CDYL2: variants seen among roughly 807,000 people sequenced by gnomAD.
CDYL2 encodes chromodomain Y-like protein 2.
In CDYL2, 23 loss-of-function variants were observed where a neutral mutation model predicts 49.4. The ratio of observed to expected loss-of-function variants is 0.47; its 90% CI spans 0.34 to 0.66. The LOEUF is 0.66. Among genes scored for constraint, CDYL2 ranks in the 30% least tolerant of loss-of-function variants. The pLI, the probability that CDYL2 is intolerant of heterozygous loss-of-function variation, is 0.01. For missense variants in CDYL2, 678 were observed against 656.4 expected (o/e 1.03, Z -0.36); for synonymous variants, 360 against 268.8 (o/e 1.34, Z -3.32).
At chr16:80,676,926 A>G (rs1597166352) in intron 2 of CDYL2, among the ~76,000 whole-genome samples, 1 of 134,170 alleles carries the variant, frequency 7.5e-6, no homozygotes, top group Non-Finnish European at 1.6e-5. Context: ...CTCCTTTCTT[A>G]CTTCTTCTGA....
chr16:80,780,414 T>C (rs1324559237), intron 1 of CDYL2, among the ~76,000 whole-genome samples: 1 of 144,346 alleles, frequency 6.9e-6, no homozygotes, highest in Non-Finnish European at 1.5e-5. Flanking sequence ...TTTTTTTTTT[T>C]TTTTTTTGCA....
At chr16:80,649,239 C>G (rs1908482398) in intron 2 of CDYL2, among the ~76,000 whole-genome samples, 2 of 152,062 alleles carry the variant, frequency 1.3e-5, no homozygotes, top group South Asian at 4.1e-4. Flanking sequence ...ATTGGGAAAA[C>G]TAAGGACTCC....
At chr16:80,705,358 T>C (rs1904370630) in intron 1 of CDYL2, among the ~76,000 whole-genome samples, 2 of 152,252 alleles carry the variant, frequency 1.3e-5, no homozygotes, top group Non-Finnish European at 2.9e-5. Flanking sequence ...CTATGAGCGA[T>C]GCTAGAGTCC....
chr16:80,787,487 A>G (rs1009214630), intron 1 of CDYL2, among the ~76,000 whole-genome samples: 14 of 152,334 alleles, frequency 9.2e-5, no homozygotes, highest in African/African-American at 2.9e-4. Context: ...TAGACTTGAC[A>G]GCATCTAAGA....
intron 1 of CDYL2, among the ~76,000 whole-genome samples, chr16:80,776,045 C>T (rs1430179629): frequency 6.6e-6 from 1 of 151,462 alleles, no homozygotes; most frequent in Non-Finnish European, 1.5e-5. Flanking sequence ...TTATATGCAA[C>T]AAAAAAACAA....
intron 1 of CDYL2, among the ~76,000 whole-genome samples, chr16:80,735,333 G>GA (rs1905482412): frequency 6.6e-6 from 1 of 152,100 alleles, no homozygotes; most frequent in South Asian, 2.1e-4. Flanking sequence ...TTTTTTCTGA[G>GA]AAAAATAAAG....
At chr16:80,689,015 G>A (rs1910308618) in intron 1 of CDYL2, among the ~76,000 whole-genome samples, 1 of 152,120 alleles carries the variant, frequency 6.6e-6, no homozygotes, top group Non-Finnish European at 1.5e-5. Flanking sequence ...TTTACCTGAA[G>A]CTCAGTCCTT....
At position 80,604,360 on chromosome 16, in the gene CDYL2, AAGTTGGGGGCCCGTG is replaced by A. The variant is rs1270575324; in HGVS notation, c.*13_*27del. ...TTTCCGAAACACAGGGCAGAGCTGG[AAGTTGGGGGCCCGTG>A]AGCTGGGGCCCCTCAGACTTCATAA... On this transcript the variant is annotated 3_prime_UTR_variant, in exon 7 of 7. Transcript: ENST00000570137. 6.2e-7 allele frequency: 1 copy of A among 1,613,142 alleles called. No homozygotes were observed. Among genetic ancestry groups the A allele is most frequent in the Non-Finnish European group, 8.5e-7 (1 of 1,179,716 alleles).
At chr16:80,615,714 A>T (rs1184124865) in intron 4 of CDYL2, among the ~76,000 whole-genome samples, 4 of 152,132 alleles carry the variant, frequency 2.6e-5, no homozygotes, top group Non-Finnish European at 5.9e-5. Context: ...GAGATCCATG[A>T]AACGGAATCA....
chr16:80,765,350 A>C (rs1487694993), intron 1 of CDYL2, among the ~76,000 whole-genome samples: 1 of 151,858 alleles, frequency 6.6e-6, no homozygotes, highest in Non-Finnish European at 1.5e-5. Context: ...ACGACGAAAG[A>C]CTAAAAACTG....
In CDYL2 at chr16:80,623,410, G is replaced by A. The variant is rs572599444; in HGVS notation, c.835-2475C>T. ...TAGTGCAGTGCATGGCACATACCCT[G>A]CAAGATGTCCCCGTTTATATACTGA... On this transcript the variant is annotated intron_variant, in intron 3 of 6. Coordinates refer to ENST00000570137, the MANE Select transcript of CDYL2 (RefSeq NM_152342.4). Among the ~76,000 whole-genome samples, 43 of 151,708 alleles carry A rather than the reference G, an allele frequency of 2.8e-4. 1 individual carries two copies. In the South Asian group the frequency reaches 7.8e-3, roughly 27 times the overall value.
At chr16:80,671,506 C>G (rs1251651379) in intron 2 of CDYL2, among the ~76,000 whole-genome samples, 1 of 152,200 alleles carries the variant, frequency 6.6e-6, no homozygotes, top group African/African-American at 2.4e-5. Flanking sequence ...CTGCCCCAAA[C>G]GCATCTTCTC....
At chr16:80,759,802 G>A (rs1034291349) in intron 1 of CDYL2, among the ~76,000 whole-genome samples, 2 of 152,172 alleles carry the variant, frequency 1.3e-5, no homozygotes, top group Admixed American at 1.3e-4. Context: ...AAACACACTT[G>A]TAAAAGATTC....
rs1300460084 is a variant in CDYL2, at chr16:80,612,267, G to A, written c.1218+359C>T. Among the ~76,000 whole-genome samples, 3 of 152,154 alleles carry A rather than the reference G, an allele frequency of 2.0e-5. No individual in the cohort carries two copies. The East Asian group carries it at 5.8e-4, about 29-fold the overall frequency. On this transcript the variant is annotated intron_variant, in intron 5 of 6. Coordinates refer to ENST00000570137, the MANE Select transcript of CDYL2 (RefSeq NM_152342.4). This position sits in a 1 kb window ranked among gnomAD's most constrained non-coding sequence, Gnocchi z 5.0. The stretch of plus-strand genomic sequence containing the variant: ...CCTGGGTCCCCAGAGAGTGTGGGTG[G>A]CCCCTACACCTATGCTGGACCACTC...
At chr16:80,665,473 G>T (rs1295125883) in intron 2 of CDYL2, among the ~76,000 whole-genome samples, 2 of 143,246 alleles carry the variant, frequency 1.4e-5, no homozygotes, top group Non-Finnish European at 3.0e-5. Flanking sequence ...CAAGTATTAG[G>T]TTGGTGAAAA....
intron 1 of CDYL2, among the ~76,000 whole-genome samples, chr16:80,697,133 C>T (rs911747618): frequency 3.9e-5 from 6 of 152,080 alleles, no homozygotes; most frequent in Admixed American, 3.3e-4. Flanking sequence ...AGAAAACTAC[C>T]GGCCAACATC....
At chr16:80,734,628 G>C (rs1262060734) in intron 1 of CDYL2, among the ~76,000 whole-genome samples, 2 of 152,152 alleles carry the variant, frequency 1.3e-5, no homozygotes, top group Non-Finnish European at 2.9e-5. Context: ...CATGGGGCTT[G>C]AACTTACTCA....
intron 4 of CDYL2, among the ~76,000 whole-genome samples, chr16:80,615,505 G>T (rs972103053): frequency 1.3e-5 from 2 of 152,110 alleles, no homozygotes; most frequent in African/African-American, 4.8e-5. Flanking sequence ...GCCTCTGCTG[G>T]ACGTTTTTAA....
At chr16:80,680,163 G>A (rs1302337212) in intron 2 of CDYL2, among the ~76,000 whole-genome samples, 1 of 152,202 alleles carries the variant, frequency 6.6e-6, no homozygotes, top group African/African-American at 2.4e-5. Context: ...AAGATCAATG[G>A]AGAGAAAATG....
Sources: allele counts gnomAD v4.1 joint callset (sites outside exome capture counted in the v4.1 genomes callset), GRCh38; gene constraint gnomAD v4.1.1; non-coding constraint Gnocchi (gnomAD v3.1); transcripts MANE v1.5; gene names NCBI Gene and HGNC (gene_info 2026-07-23, HGNC 2026-07-21).